The following SIN3A variants were observed in gnomAD, a reference collection of about 807,000 sequenced individuals.
SIN3A encodes paired amphipathic helix protein Sin3a.
A neutral mutation model predicts 146.1 loss-of-function variants in SIN3A; 14 were observed. That is an observed-to-expected ratio of 0.10 (90% confidence interval 0.06 to 0.15). The LOEUF (loss-of-function observed/expected upper bound fraction) is 0.15, where lower values mean the gene tolerates loss of function less well. Ranked by LOEUF, SIN3A falls within the 10% of genes least tolerant of loss-of-function variation. The pLI is 1.00. For synonymous variants in SIN3A, 572 were observed against 572.0 expected (o/e 1.00, Z 0.00); for missense variants, 1,028 against 1,576.0 (o/e 0.65, Z 5.89).
chr15:75,440,691 A>G (rs971215459), intron 1 of SIN3A, among the ~76,000 whole-genome samples: 4 of 152,170 alleles, frequency 2.6e-5, no homozygotes, highest in African/African-American at 9.6e-5. Flanking sequence ...GTTTCTTTTA[A>G]GAAACAAGGG....
chr15:75,443,784 AC>A (rs1354775341), intron 1 of SIN3A: 5 of 152,294 alleles, frequency 3.3e-5, no homozygotes, highest in South Asian at 2.1e-4. Flanking sequence ...TGCGGTGCAC[AC>A]CTATAGTCCC....
intron 6 of SIN3A, 125 bp downstream of exon 6, chr15:75,411,367 C>A (rs2073635588): frequency 9.5e-7 from 1 of 1,054,460 alleles, no homozygotes; most frequent in Admixed American, 2.3e-5. Flanking sequence ...TAAAAACATG[C>A]ATGATAGTTT....
At chr15:75,376,704 A>ATT (rs2072863789) in intron 19 of SIN3A, among the ~76,000 whole-genome samples, 1 of 151,852 alleles carries the variant, frequency 6.6e-6, no homozygotes, top group Non-Finnish European at 1.5e-5. Flanking sequence ...CAAAAAAAAA[A>ATT]AAAAAATTAG....
rs1358059505 is a variant in SIN3A, at chr15:75,370,278, T to C, written c.*1701A>G. ...TAAAATCAGAGAGGTCTACCATGTG[T>C]TTTGAAAATCCAGGAGCCAAAAAAT... is the stretch of plus-strand genomic sequence containing the variant. On this transcript the variant is annotated 3_prime_UTR_variant, in exon 21 of 21. Coordinates refer to ENST00000394947, the MANE Select transcript of SIN3A (RefSeq NM_001145358.2). 4 of 152,194 alleles carry C rather than the reference T, an allele frequency of 2.6e-5. No homozygotes were observed. The highest frequency in any genetic ancestry group is 5.9e-5 in the Non-Finnish European group (4 of 68,036). The allele number at this position is 152,194 out of a possible 1,614,324, so 9.4% of individuals were successfully genotyped here.
chr15:75,449,037 C>CCTAATA lies in SIN3A; in HGVS notation c.-34+2385_-34+2386insTATTAG, dbSNP rs1464352873. Among the ~76,000 whole-genome samples the CCTAATA allele has an allele frequency of 3.3e-5, 5 of 152,236 alleles. No individual in the cohort carries two copies. The East Asian group carries it at 9.6e-4, about 29-fold the overall frequency. On this transcript the variant is annotated intron_variant, in intron 1 of 20. Coordinates refer to ENST00000394947, the MANE Select transcript of SIN3A (RefSeq NM_001145358.2). ...TGAAAATGTTCCTAATACAGCAAAA[C>CCTAATA]CAGGTTCTTACTTGAATCCTTATAG...
At position 75,412,807 on chromosome 15, in the gene SIN3A, G is replaced by C. The variant is rs1377536014; in HGVS notation, c.712C>G (p.Pro238Ala). Residue 238 changes from proline (P) to alanine (A), a missense_variant, in exon 5 of 21, where the codon CCT becomes GCT. This residue lies in a region of SIN3A where 112 missense variants were observed against 135.7 expected (regional missense o/e 0.83). Transcript: ENST00000394947. ...GGGGGCTGAGGAGCTGGCTGGGCAGGAGCTGGGGCTGACTGGGCTGAAGGC... is the reference window on the plus strand; with the variant it reads ...GGGGGCTGAGGAGCTGGCTGGGCAGCAGCTGGGGCTGACTGGGCTGAAGGC... ...SQPSAQSAPA[P>A]AQPAPQPPPA... 1.2e-6 allele frequency: 2 copies of C among 1,606,104 alleles called. No individual in the cohort carries two copies. Among genetic ancestry groups the C allele is most frequent in the African/African-American group, 2.7e-5 (2 of 74,708 alleles).
At chr15:75,381,782 G>T in intron 17 of SIN3A, 77 bp from the exon 18 acceptor site, 2 of 1,201,826 alleles carry the variant, frequency 1.7e-6, no homozygotes, top group Non-Finnish European at 2.4e-6. Context: ...AATGAGAGGT[G>T]CAGAGGCAAT....
chr15:75,447,139 A>C (rs906143603), intron 1 of SIN3A, among the ~76,000 whole-genome samples: 1 of 152,230 alleles, frequency 6.6e-6, no homozygotes, highest in Non-Finnish European at 1.5e-5. Context: ...GGATGGTTTT[A>C]AGCAGAGAAG....
In SIN3A at chr15:75,384,291, C is replaced by T; in HGVS notation, c.3168G>A (p.Gln1056=). ...TAAAGCAATTCTCATCTGACATTAG[C>T]TGCTCAGCTTTCCGCTGATACGTTG... ...LESTYQRKAE[Q]LMSDENCFKL... Residue 1056 remains glutamine, a synonymous_variant, in exon 17 of 21, where the codon CAG becomes CAA. Coordinates refer to ENST00000394947, the MANE Select transcript of SIN3A (RefSeq NM_001145358.2). The T allele has an allele frequency of 1.2e-6, 2 of 1,613,002 alleles. No individual in the cohort carries two copies. Among genetic ancestry groups the T allele is most frequent in the Non-Finnish European group, 1.7e-6 (2 of 1,179,386 alleles).
intron 2 of SIN3A, among the ~76,000 whole-genome samples, chr15:75,424,504 C>T (rs1436835905): frequency 2.6e-5 from 4 of 152,070 alleles, no homozygotes; most frequent in Admixed American, 2.0e-4. Context: ...GACAGGGTCC[C>T]GCTCTCTCAC....
At chr15:75,418,362 G>A (rs2073780379) in intron 3 of SIN3A, among the ~76,000 whole-genome samples, 2 of 151,852 alleles carry the variant, frequency 1.3e-5, no homozygotes, top group Non-Finnish European at 2.9e-5. Flanking sequence ...GTCTCACTCT[G>A]TCACCCAGGC....
intron 11 of SIN3A, 92 bp from the exon 12 acceptor site, chr15:75,400,248 G>A (rs1421078171): frequency 2.8e-6 from 2 of 704,098 alleles, no homozygotes; most frequent in Middle Eastern, 2.6e-4. Flanking sequence ...CTCTAGCAGA[G>A]AAATAGGCAA....
In SIN3A at chr15:75,442,227, G is replaced by C. The variant is rs529285402; in HGVS notation, c.-34+9196C>G. Among the ~76,000 whole-genome samples, 14 of 138,270 alleles carry C rather than the reference G, an allele frequency of 1.0e-4. No individual in the cohort carries two copies. In the Admixed American group the frequency reaches 1.1e-3, roughly 11 times the overall value. 90.7% of individuals were successfully genotyped at this position (138,270 alleles called of 152,430 possible). ...ATACATATACGTAACTTTGGCACCTGTCCACTTACAAACTGCATCAACTAA... is the reference window on the plus strand; with the variant it reads ...ATACATATACGTAACTTTGGCACCTCTCCACTTACAAACTGCATCAACTAA... On this transcript the variant is annotated intron_variant, in intron 1 of 20. Coordinates refer to ENST00000394947, the MANE Select transcript of SIN3A (RefSeq NM_001145358.2).
Position 75,375,792 on chromosome 15 carries a change from G to A in SIN3A, c.3464C>T (p.Thr1155Ile). ...KEGKEGNSKKTMENVDSLDKL... is the reference protein window; with the variant it reads ...KEGKEGNSKKIMENVDSLDKL... ...ATCCAGACTATCCACATTCTCCATG[G>A]TCTTCTTGCTGTTTCCTTCCTTCCC... is the stretch of plus-strand genomic sequence containing the variant. Residue 1155 changes from threonine to isoleucine, a missense_variant, in exon 20 of 21, where the codon ACC becomes ATC. Transcript: ENST00000394947. 1.2e-6 allele frequency: 2 copies of A among 1,614,110 alleles called. No homozygotes were observed. Among genetic ancestry groups the A allele is most frequent in the East Asian group, 2.2e-5 (1 of 44,882 alleles).
chr15:75,388,686 A>C (rs1484359574), intron 16 of SIN3A: 1 of 152,308 alleles, frequency 6.6e-6, no homozygotes, highest in Non-Finnish European at 1.5e-5. Flanking sequence ...TACGTCTATA[A>C]GAAGGAGAAA....
At chr15:75,379,772 T>C (rs1414247339) in intron 19 of SIN3A, among the ~76,000 whole-genome samples, 2 of 152,242 alleles carry the variant, frequency 1.3e-5, no homozygotes, top group Admixed American at 6.5e-5. Flanking sequence ...CTACCCATTT[T>C]ATACTTCTTA....
chr15:75,427,552 CG>C (rs1296384811), intron 2 of SIN3A, among the ~76,000 whole-genome samples: 1 of 151,782 alleles, frequency 6.6e-6, no homozygotes, highest in East Asian at 1.9e-4. Context: ...CCCAGCTACT[CG>C]GGAGGCTGAG....
At chr15:75,383,180 G>A (rs1262168367) in intron 17 of SIN3A, among the ~76,000 whole-genome samples, 1 of 151,512 alleles carries the variant, frequency 6.6e-6, no homozygotes, top group Non-Finnish European at 1.5e-5. Context: ...GCTGACGTGT[G>A]AGAATCACTT....
intron 1 of SIN3A, chr15:75,446,132 A>C (rs969571018): frequency 6.6e-6 from 1 of 152,182 alleles, no homozygotes; most frequent in Admixed American, 6.6e-5. Flanking sequence ...CACAATAGAC[A>C]AAGTATAATA....
Sources: allele counts gnomAD v4.1 joint callset (sites outside exome capture counted in the v4.1 genomes callset), GRCh38; gene constraint gnomAD v4.1.1; regional missense constraint gnomAD v4.1.1; transcripts MANE v1.5; gene names NCBI Gene and HGNC (gene_info 2026-07-23, HGNC 2026-07-21).